PDE10A: variants seen among roughly 807,000 people sequenced by gnomAD.
PDE10A encodes the protein cAMP and cAMP-inhibited cGMP 3',5'-cyclic phosphodiesterase 10A.
In PDE10A, 39 loss-of-function variants were observed where a neutral mutation model predicts 97.7. The ratio of observed to expected loss-of-function variants is 0.40; its 90% CI spans 0.31 to 0.52. PDE10A has a LOEUF of 0.52. Ranked by LOEUF, PDE10A falls within the 20% of genes least tolerant of loss-of-function variation. The pLI is 0.56. For missense variants in PDE10A, 731 were observed against 1,047.8 expected, an observed-to-expected ratio of 0.70 and a Z score of 4.17; for synonymous variants, 371 against 376.8, an observed-to-expected ratio of 0.98 and a Z score of 0.18.
At chr6:165,831,427 A>AT (rs1288949170) in intron 1 of PDE10A, among the ~76,000 whole-genome samples, 2 of 148,508 alleles carry the variant, frequency 1.3e-5, no homozygotes, top group Non-Finnish European at 3.0e-5. Flanking sequence ...TCACACTAAA[A>AT]TTTCCTTTTC....
chr6:165,396,286 C>A, intron 14 of PDE10A, 31 bp downstream of exon 14: 1 of 1,598,262 alleles, frequency 6.3e-7, no homozygotes, highest in Non-Finnish European at 8.5e-7. Flanking sequence ...AAAAATGGTT[C>A]CTGAAGAAAC....
chr6:165,600,951 T>C (rs1786910002), intron 1 of PDE10A, among the ~76,000 whole-genome samples: 2 of 152,324 alleles, frequency 1.3e-5, no homozygotes, highest in Admixed American at 6.5e-5. Context: ...ATTAGCTAAG[T>C]CCAGTGGTCA....
chr6:165,532,222 T>C (rs966156041), intron 2 of PDE10A, among the ~76,000 whole-genome samples: 1 of 151,902 alleles, frequency 6.6e-6, no homozygotes, highest in African/African-American at 2.4e-5. Flanking sequence ...TTTCCTGCCT[T>C]TGCTCATGTT....
rs1450614218 is a variant in PDE10A at position 165,331,658 on chromosome 6, C to A, written c.*1367G>T. 1 of 152,202 alleles carries A rather than the reference C, an allele frequency of 6.6e-6. No homozygotes were observed. The highest frequency in any genetic ancestry group is 2.1e-4 in the South Asian group (1 of 4,832). The allele number at this position is 152,202 out of a possible 1,614,324, so 9.4% of individuals were successfully genotyped here. On this transcript the variant is annotated 3_prime_UTR_variant, in exon 22 of 22. Transcript: ENST00000539869. ...GTTTGGAGGTTACCGTGCCATTGCA[C>A]TAAAAATCTTTAAATTATTAAAATG...
At chr6:165,442,830 A>T (rs535808371) in intron 5 of PDE10A, among the ~76,000 whole-genome samples, 2 of 152,200 alleles carry the variant, frequency 1.3e-5, no homozygotes, top group South Asian at 4.2e-4. Context: ...TTGAAAGTCC[A>T]AGTCTAGGCC....
Position 165,606,966 on chromosome 6 carries a change from T to A in PDE10A, c.865+54981A>T, listed in dbSNP as rs571483931. The stretch of plus-strand genomic sequence containing the variant: ...GGCAACAACTTAGGGCTCTTCATAT[T>A]CCAATATAATATATACATTTATCCT... On this transcript the variant is annotated intron_variant, in intron 1 of 21. Transcript: ENST00000539869. Among the ~76,000 whole-genome samples the A allele has an allele frequency of 5.3e-5, 8 of 152,326 alleles. No homozygotes were observed. In the South Asian group the frequency reaches 1.7e-3, roughly 32 times the overall value.
intron 1 of PDE10A, among the ~76,000 whole-genome samples, chr6:165,702,435 C>T (rs999299718): frequency 3.3e-5 from 5 of 152,170 alleles, no homozygotes; most frequent in African/African-American, 4.8e-5. Flanking sequence ...AGCCAGGCAG[C>T]GTCCCTCACA....
At chr6:165,594,568 A>G (rs1380226374) in intron 1 of PDE10A, among the ~76,000 whole-genome samples, 1 of 152,208 alleles carries the variant, frequency 6.6e-6, no homozygotes, top group African/African-American at 2.4e-5. Flanking sequence ...AGCTATAAAT[A>G]TAGATGGAAT....
chr6:165,447,657 T>A (rs1322227880), intron 5 of PDE10A, among the ~76,000 whole-genome samples: 1 of 152,208 alleles, frequency 6.6e-6, no homozygotes, highest in Non-Finnish European at 1.5e-5. Context: ...AGAAGTAATA[T>A]CCATTTGTTA....
At chr6:165,398,551 T>TTTG (rs1786372987) in intron 13 of PDE10A, among the ~76,000 whole-genome samples, 1 of 152,166 alleles carries the variant, frequency 6.6e-6, no homozygotes, top group Non-Finnish European at 1.5e-5. Context: ...CACTTATATT[T>TTTG]TTGTTTCCTA....
chr6:165,771,861 T>C (rs1311439827), intron 1 of PDE10A, among the ~76,000 whole-genome samples: 2 of 152,152 alleles, frequency 1.3e-5, no homozygotes, highest in Non-Finnish European at 2.9e-5. Context: ...TGAGCCACCC[T>C]GGCCTACGCG....
chr6:165,332,956 AAG>A lies in PDE10A; in HGVS notation c.*67_*68del. ...AGGTTCCCCCCACCCCCCCCAAAAA[AAG>A]GAAAAGAATGTCAAAGAAGCAAGAT... On this transcript the variant is annotated 3_prime_UTR_variant, in exon 22 of 22. Transcript: ENST00000539869. 4 of 741,736 alleles carry A rather than the reference AAG, an allele frequency of 5.4e-6. No homozygotes were observed. Among genetic ancestry groups the A allele is most frequent in the South Asian group, 4.2e-5 (3 of 72,258 alleles). The allele number at this position is 741,736 out of a possible 1,614,324, so 45.9% of individuals were successfully genotyped here.
chr6:165,798,709 TCA>T (rs151268677), intron 1 of PDE10A, among the ~76,000 whole-genome samples: 34,882 of 150,172 alleles, frequency 0.23, 4,065 homozygotes, highest in African/African-American at 0.27. Flanking sequence ...TTTAAACCAA[TCA>T]CACACACACA....
intron 1 of PDE10A, among the ~76,000 whole-genome samples, chr6:165,642,977 C>T (rs1789212244): frequency 6.6e-6 from 1 of 152,112 alleles, no homozygotes; most frequent in South Asian, 2.1e-4. Flanking sequence ...GAATAGTTCA[C>T]TCAGTCCATG....
At chr6:165,610,387 T>C (rs111888917) in intron 1 of PDE10A, among the ~76,000 whole-genome samples, 15 of 152,028 alleles carry the variant, frequency 9.9e-5, no homozygotes, top group Admixed American at 7.2e-4. Flanking sequence ...AAAAACTAGC[T>C]GGGCATGGTG....
chr6:165,551,508 T>C (rs1179346924), intron 1 of PDE10A, among the ~76,000 whole-genome samples: 1 of 152,186 alleles, frequency 6.6e-6, no homozygotes, highest in Non-Finnish European at 1.5e-5. Context: ...ATTTACTTAA[T>C]AAATGAATTA....
intron 1 of PDE10A, among the ~76,000 whole-genome samples, chr6:165,701,383 A>G (rs1229786094): frequency 1.3e-5 from 2 of 152,230 alleles, no homozygotes; most frequent in East Asian, 3.8e-4. Flanking sequence ...ATTTTTCAAG[A>G]GAATGCTGCA....
At chr6:165,979,322 G>A (rs1310499866) in intron 1 of PDE10A, among the ~76,000 whole-genome samples, 3 of 152,182 alleles carry the variant, frequency 2.0e-5, no homozygotes, top group South Asian at 2.1e-4. Flanking sequence ...AGAAGGGGAA[G>A]GGGAACATGT....
chr6:165,788,588 A>G (rs1778563028), intron 1 of PDE10A, among the ~76,000 whole-genome samples: 1 of 151,010 alleles, frequency 6.6e-6, no homozygotes, highest in African/African-American at 2.4e-5. Flanking sequence ...TTTCCTAAGT[A>G]GGTATTCTAT....
Sources: allele counts gnomAD v4.1 joint callset (sites outside exome capture counted in the v4.1 genomes callset), GRCh38; gene constraint gnomAD v4.1.1; transcripts MANE v1.5; gene names NCBI Gene and HGNC (gene_info 2026-07-23, HGNC 2026-07-21).